The following KIF13B variants were observed in gnomAD, a reference collection of about 807,000 sequenced individuals.
KIF13B encodes the protein kinesin family member 13B.
A neutral mutation model predicts 222.0 loss-of-function variants in KIF13B; 127 were observed. The ratio of observed to expected loss-of-function variants is 0.57; its 90% CI spans 0.50 to 0.66. The LOEUF (loss-of-function observed/expected upper bound fraction) is 0.66, where lower values mean the gene tolerates loss of function less well. Ranked by LOEUF, KIF13B falls within the 30% of genes least tolerant of loss-of-function variation. KIF13B has a pLI of 0.00. For synonymous variants in KIF13B, 976 were observed against 919.0 expected (o/e 1.06, Z -1.12); for missense variants, 2,173 against 2,379.0 (o/e 0.91, Z 1.80).
chr8:29,244,228 T>C (rs888838722), intron 2 of KIF13B, among the ~76,000 whole-genome samples: 6 of 152,358 alleles, frequency 3.9e-5, no homozygotes, highest in East Asian at 1.9e-4. Flanking sequence ...TTAGCCAGGA[T>C]GGTCTCGATC....
chr8:29,145,824 TGAAG>T (rs1485712958), intron 18 of KIF13B: 2 of 132,122 alleles, frequency 1.5e-5, no homozygotes, highest in East Asian at 4.3e-4. Flanking sequence ...AAAAAAAAGA[TGAAG>T]GAAAAAAACC....
chr8:29,233,974 A>C (rs1011763940), intron 2 of KIF13B, among the ~76,000 whole-genome samples: 9 of 152,262 alleles, frequency 5.9e-5, no homozygotes, highest in African/African-American at 2.2e-4. Context: ...TTTTTGCAAA[A>C]TAATGTATTA....
chr8:29,191,530 A>G lies in KIF13B; in HGVS notation c.163-473T>C, dbSNP rs563934828. On this transcript the variant is annotated intron_variant, in intron 3 of 39. Coordinates refer to ENST00000524189, the MANE Select transcript of KIF13B (RefSeq NM_015254.4). ...CATGTGCAAGTATAGATTTGAGGGTATAGAAGACTTACTAATTTAAAAAAA... is the reference window on the plus strand; with the variant it reads ...CATGTGCAAGTATAGATTTGAGGGTGTAGAAGACTTACTAATTTAAAAAAA... Among the ~76,000 whole-genome samples the G allele has an allele frequency of 1.1e-3, 166 of 152,352 alleles. 1 individual carries two copies. The highest frequency in any genetic ancestry group is 1.9e-3 in the Non-Finnish European group (126 of 68,026).
intron 2 of KIF13B, among the ~76,000 whole-genome samples, chr8:29,200,434 G>C (rs933511716): frequency 6.6e-6 from 1 of 152,134 alleles, no homozygotes; most frequent in Non-Finnish European, 1.5e-5. Context: ...TTTCTCAGCT[G>C]AGTTGAATTA....
chr8:29,110,151 A>G (rs1400735072), intron 32 of KIF13B, 81 bp from the exon 33 acceptor site: 1 of 1,194,192 alleles, frequency 8.4e-7, no homozygotes, highest in Non-Finnish European at 1.2e-6. Context: ...ACAGACACAC[A>G]GAACGTATTC....
intron 37 of KIF13B, among the ~76,000 whole-genome samples, chr8:29,082,759 A>G (rs1807870201): frequency 1.3e-5 from 2 of 152,374 alleles, no homozygotes; most frequent in African/African-American, 2.4e-5. Flanking sequence ...ATCCAAAAAG[A>G]GTTACTAGTT....
chr8:29,070,267 A>C lies in KIF13B; in HGVS notation c.*237T>G. ...CTAGCATCCCCCAGCCCCTGCGGGCACCCAGAACCTTCCATCCACCTGAGG... is the reference window on the plus strand; with the variant it reads ...CTAGCATCCCCCAGCCCCTGCGGGCCCCCAGAACCTTCCATCCACCTGAGG... On this transcript the variant is annotated 3_prime_UTR_variant, in exon 40 of 40. Transcript: ENST00000524189. The surrounding 1 kb of genome is among the most constrained non-coding windows in gnomAD (Gnocchi z 4.1). 1.8e-6 allele frequency: 1 copy of C among 570,118 alleles called. No homozygotes were observed. Among genetic ancestry groups the C allele is most frequent in the Admixed American group, 3.2e-5 (1 of 31,084 alleles). The allele number at this position is 570,118 out of a possible 1,614,324, so 35.3% of individuals were successfully genotyped here. A position where few individuals can be genotyped will look rare whatever the true frequency, so the allele number is the denominator to read the frequency against.
At chr8:29,095,041 TAGATTCTCAGAA>T (rs1321709406) in intron 36 of KIF13B, among the ~76,000 whole-genome samples, 1 of 151,344 alleles carries the variant, frequency 6.6e-6, no homozygotes, top group Non-Finnish European at 1.5e-5. Context: ...TATGAGTAAT[TAGATTCTCAGAA>T]AGAGCAGAGA....
At chr8:29,117,848 C>A (rs978207530) in intron 30 of KIF13B, among the ~76,000 whole-genome samples, 1 of 152,188 alleles carries the variant, frequency 6.6e-6, no homozygotes, top group African/African-American at 2.4e-5. Flanking sequence ...ACTGCTTTCA[C>A]CTATTCTTTT....
chr8:29,181,092 G>A (rs1812693984), intron 7 of KIF13B, among the ~76,000 whole-genome samples: 1 of 152,174 alleles, frequency 6.6e-6, no homozygotes, highest in Non-Finnish European at 1.5e-5. Flanking sequence ...TGACATTTTA[G>A]TGAATAAGAT....
chr8:29,113,447 AT>A lies in KIF13B; in HGVS notation c.3930+15del. On this transcript the variant is annotated intron_variant, in intron 32 of 39. Transcript: ENST00000524189. The stretch of plus-strand genomic sequence containing the variant: ...AAGTGTTTATTTTTAGTAAATTTAA[AT>A]TGTATATCCTTCACCTCTGGAATAT... 1 of 1,475,746 alleles carries A rather than the reference AT, an allele frequency of 6.8e-7. No individual in the cohort carries two copies. The highest frequency in any genetic ancestry group is 9.3e-7 in the Non-Finnish European group (1 of 1,080,358). The allele number at this position is 1,475,746 out of a possible 1,614,324, so 91.4% of individuals were successfully genotyped here.
At chr8:29,185,149 A>G (rs1204453413) in intron 6 of KIF13B, among the ~76,000 whole-genome samples, 1 of 151,992 alleles carries the variant, frequency 6.6e-6, no homozygotes, top group Non-Finnish European at 1.5e-5. Context: ...CTGCTGGATC[A>G]TTCTCCAAAG....
In KIF13B at chr8:29,109,978, T is replaced by G; in HGVS notation, c.4023A>C (p.Glu1341Asp). 2 of 1,612,728 alleles carry G rather than the reference T, an allele frequency of 1.2e-6. No homozygotes were observed. Among genetic ancestry groups the G allele is most frequent in the Non-Finnish European group, 1.7e-6 (2 of 1,179,398 alleles). The change falls in exon 33 of 40, where the codon GAA becomes GAC. Residue 1341 changes from glutamate to aspartate, a missense_variant. By Grantham distance (45) the Glu-to-Asp change is conservative. Coordinates refer to ENST00000524189, the MANE Select transcript of KIF13B (RefSeq NM_015254.4). ...CAGCCAGCACGCTCCTGAGGTACTTTTCAATATAAGCCTCCGAGTCAGCAG... is the reference window on the plus strand; with the variant it reads ...CAGCCAGCACGCTCCTGAGGTACTTGTCAATATAAGCCTCCGAGTCAGCAG... ...PASADSEAYIEKYLRSVLAVE... is the reference protein window; with the variant it reads ...PASADSEAYIDKYLRSVLAVE...
Position 29,186,377 on chromosome 8 carries a change from C to T in KIF13B, c.412G>A (p.Glu138Lys), listed in dbSNP as rs2130315286. 2 of 1,613,822 alleles carry T rather than the reference C, an allele frequency of 1.2e-6. No individual in the cohort carries two copies. Among genetic ancestry groups the T allele is most frequent in the Middle Eastern group, 1.6e-4 (1 of 6,062 alleles). The change falls in exon 6 of 40, where the codon GAA becomes AAA. Residue 138 changes from glutamate (E) to lysine (K), a missense_variant. By Grantham distance (56) the Glu-to-Lys change is moderately conservative. Coordinates refer to ENST00000524189, the MANE Select transcript of KIF13B (RefSeq NM_015254.4). Reference protein sequence around the residue: ...SGLFERTQKEENEEQSFKVEV... With the variant: ...SGLFERTQKEKNEEQSFKVEV... ...ACTTTAAAACTCTGTTCTTCATTTT[C>T]CTCTTTCTGAGTTCGTTCAAAGAGT...
At chr8:29,216,997 G>C (rs1814514787) in intron 2 of KIF13B, among the ~76,000 whole-genome samples, 1 of 152,040 alleles carries the variant, frequency 6.6e-6, no homozygotes, top group Non-Finnish European at 1.5e-5. Context: ...TGCACTGTAA[G>C]TGTTAGGGAA....
chr8:29,142,347 G>A lies in KIF13B; in HGVS notation c.2188-44C>T, dbSNP rs77267927. ...TGACCGTGAGAAACACACAGGCAGC[G>A]GGGAAGTCAAAGCTGACAATTCCAC... On this transcript the variant is annotated intron_variant, in intron 18 of 39. Coordinates refer to ENST00000524189, the MANE Select transcript of KIF13B (RefSeq NM_015254.4). The A allele has an allele frequency of 6.2e-3, 9,620 of 1,563,964 alleles. 51 individuals carry two copies. The highest frequency in any genetic ancestry group is 0.019 in the African/African-American group (1,433 of 73,982).
intron 36 of KIF13B, among the ~76,000 whole-genome samples, chr8:29,094,241 C>G (rs1386792392): frequency 6.6e-6 from 1 of 151,120 alleles, no homozygotes; most frequent in African/African-American, 2.4e-5. Flanking sequence ...ACAGGCAATA[C>G]AGGGGACAGA....
At position 29,230,108 on chromosome 8, in the gene KIF13B, T is replaced by G. The variant is rs1281527230; in HGVS notation, c.149+15238A>C. On this transcript the variant is annotated intron_variant, in intron 2 of 39. Transcript: ENST00000524189. Reference sequence around the variant, plus strand: ...AACTCACTCATGCCCACGGTAATCTTGCATGATCCATATCACAGTGTTATC... The same window carrying G: ...AACTCACTCATGCCCACGGTAATCTGGCATGATCCATATCACAGTGTTATC... 4.6e-5 allele frequency among the ~76,000 whole-genome samples: 7 copies of G among 152,264 alleles called. No homozygotes were observed. The East Asian group carries it at 1.3e-3, about 29-fold the overall frequency.
chr8:29,258,329 G>A (rs989215725), intron 1 of KIF13B, among the ~76,000 whole-genome samples: 1 of 152,148 alleles, frequency 6.6e-6, no homozygotes, highest in Non-Finnish European at 1.5e-5. Context: ...TTCAGCAAGC[G>A]CTTTTAAATC....
Sources: allele counts gnomAD v4.1 joint callset (sites outside exome capture counted in the v4.1 genomes callset), GRCh38; gene constraint gnomAD v4.1.1; non-coding constraint Gnocchi (gnomAD v3.1); transcripts MANE v1.5; gene names NCBI Gene and HGNC (gene_info 2026-07-23, HGNC 2026-07-21).